Variants in PEX14 observed in about 807,000 individuals in gnomAD.
The protein encoded by PEX14 is peroxisomal biogenesis factor 14.
Under a neutral mutation model 49.5 loss-of-function variants are expected in PEX14, and 15 were observed. The observed-to-expected ratio is 0.30, with a 90% CI of 0.20 to 0.47. PEX14 has a LOEUF of 0.47. Among genes scored for constraint, PEX14 ranks in the 20% least tolerant of loss-of-function variants. The pLI, the probability that PEX14 is intolerant of heterozygous loss-of-function variation, is 1.00. For missense variants in PEX14, 398 were observed against 494.8 expected, an observed-to-expected ratio of 0.80 and a Z score of 1.86; for synonymous variants, 210 against 212.7, an observed-to-expected ratio of 0.99 and a Z score of 0.11.
chr1:10,624,204 G>C lies in PEX14; in HGVS notation c.488-136G>C. On this transcript the variant is annotated intron_variant, in intron 6 of 8. Coordinates refer to ENST00000356607, the MANE Select transcript of PEX14 (RefSeq NM_004565.3). ...ACCCAGAGTGCAGATAAATTAGATG[G>C]ATTGCGGGGGCTGGGGGTGTCTGCA... is the stretch of plus-strand genomic sequence containing the variant. 3 of 760,900 alleles carry C rather than the reference G, an allele frequency of 3.9e-6. 1 individual carries two copies. In the South Asian group the frequency reaches 4.2e-5, roughly 11 times the overall value. The allele number at this position is 760,900 out of a possible 1,614,324, so 47.1% of individuals were successfully genotyped here.
At position 10,507,289 on chromosome 1, in the gene PEX14, G is replaced by A. The variant is rs879638961; in HGVS notation, c.84+11968G>A. On this transcript the variant is annotated intron_variant, in intron 2 of 8. Coordinates refer to ENST00000356607, the MANE Select transcript of PEX14 (RefSeq NM_004565.3). ...AGCAGGTATGGGTGCGGTGTGGACC[G>A]CGCTGTCAGGCACACTAGCGTGCGT... is the stretch of plus-strand genomic sequence containing the variant. Among the ~76,000 whole-genome samples, 65 of 152,364 alleles carry A rather than the reference G, an allele frequency of 4.3e-4. 1 individual carries two copies. Among genetic ancestry groups the A allele is most frequent in the Admixed American group, 4.1e-3 (62 of 15,306 alleles).
intron 4 of PEX14, among the ~76,000 whole-genome samples, chr1:10,605,664 T>G (rs944597740): frequency 5.3e-5 from 8 of 152,196 alleles, no homozygotes; most frequent in Non-Finnish European, 1.0e-4. Flanking sequence ...GGGGTTCCCG[T>G]CAGAAAGCAA....
chr1:10,542,480 G>A (rs998174904), intron 3 of PEX14, among the ~76,000 whole-genome samples: 3 of 152,120 alleles, frequency 2.0e-5, no homozygotes, highest in African/African-American at 7.2e-5. Context: ...AACTAGTCCC[G>A]GCTGGGCGCG....
In PEX14 at chr1:10,566,493, C is replaced by CT. The variant is rs56355612; in HGVS notation, c.169+30208dup. ...TATCTATCATTTCTTTTATGACTTC[C>CT]TTTTTTTTTTTTGACGTGGAATTTC... is the stretch of plus-strand genomic sequence containing the variant. On this transcript the variant is annotated intron_variant, in intron 3 of 8. Coordinates refer to ENST00000356607, the MANE Select transcript of PEX14 (RefSeq NM_004565.3). Among the ~76,000 whole-genome samples the CT allele has an allele frequency of 6.4e-3, 929 of 145,812 alleles. 11 individuals are homozygous for CT. Among genetic ancestry groups the CT allele is most frequent in the African/African-American group, 0.022 (871 of 39,676 alleles).
intron 4 of PEX14, among the ~76,000 whole-genome samples, chr1:10,610,751 C>G (rs762100182): frequency 3.3e-5 from 5 of 152,222 alleles, no homozygotes; most frequent in African/African-American, 1.2e-4. Context: ...CCTTGGCCTC[C>G]CAAAGTGCTG....
chr1:10,572,351 TC>T (rs1248993721), intron 3 of PEX14, among the ~76,000 whole-genome samples: 2 of 152,174 alleles, frequency 1.3e-5, no homozygotes, highest in African/African-American at 4.8e-5. Context: ...GGAGGATGTC[TC>T]CATGAGCTTG....
rs546348112 is a variant in PEX14, at chr1:10,488,914, C to T, written c.37-6360C>T. ...TACTGTTCTTGTCTACTAGTTATAT[C>T]GTCTGGTTTTTCTTATTGTTATTGG... On this transcript the variant is annotated intron_variant, in intron 1 of 8. Transcript: ENST00000356607. 2.8e-4 allele frequency among the ~76,000 whole-genome samples: 42 copies of T among 152,266 alleles called. 1 individual carries two copies. In the South Asian group the frequency reaches 3.3e-3, roughly 12 times the overall value.
chr1:10,617,574 C>T (rs192335239), intron 4 of PEX14, among the ~76,000 whole-genome samples: 52 of 152,236 alleles, frequency 3.4e-4, no homozygotes, highest in African/African-American at 1.2e-3. Context: ...AGCAGCTCTC[C>T]TCTCTAGTCA....
At chr1:10,500,731 C>T (rs529374121) in intron 2 of PEX14, among the ~76,000 whole-genome samples, 75 of 152,268 alleles carry the variant, frequency 4.9e-4, no homozygotes, top group African/African-American at 1.5e-3. Flanking sequence ...TGCACCACCA[C>T]GGCCAGCTAA....
At chr1:10,523,012 A>G (rs1454398842) in intron 2 of PEX14, among the ~76,000 whole-genome samples, 1 of 152,220 alleles carries the variant, frequency 6.6e-6, no homozygotes, top group Non-Finnish European at 1.5e-5. Context: ...GATGTGTTGT[A>G]TATTTGCCCC....
intron 3 of PEX14, among the ~76,000 whole-genome samples, chr1:10,589,105 A>T (rs1640584528): frequency 6.6e-6 from 1 of 152,186 alleles, no homozygotes; most frequent in Admixed American, 6.5e-5. Context: ...TTTAAAAATA[A>T]TTGTTAAAAG....
At chr1:10,596,647 A>C (rs945093986) in intron 3 of PEX14, among the ~76,000 whole-genome samples, 1 of 152,150 alleles carries the variant, frequency 6.6e-6, no homozygotes, top group Admixed American at 6.5e-5. Flanking sequence ...TACAAGTAGG[A>C]TGTGGGGCAT....
chr1:10,606,987 C>T (rs1232875617), intron 4 of PEX14, among the ~76,000 whole-genome samples: 5 of 152,114 alleles, frequency 3.3e-5, no homozygotes, highest in African/African-American at 1.2e-4. Flanking sequence ...TTTCCAATAC[C>T]CTGAAAGGTT....
At chr1:10,548,809 G>C (rs1639252570) in intron 3 of PEX14, among the ~76,000 whole-genome samples, 1 of 152,122 alleles carries the variant, frequency 6.6e-6, no homozygotes, top group African/African-American at 2.4e-5. Flanking sequence ...ATTGTTCTGA[G>C]AATTGAACAA....
intron 2 of PEX14, among the ~76,000 whole-genome samples, chr1:10,504,550 C>T (rs1182524379): frequency 2.0e-5 from 3 of 152,092 alleles, no homozygotes; most frequent in Admixed American, 6.6e-5. Context: ...TCTGGGTCAG[C>T]GATCATTCCC....
intron 3 of PEX14, among the ~76,000 whole-genome samples, chr1:10,542,672 A>C (rs1247817318): frequency 6.6e-6 from 1 of 152,172 alleles, no homozygotes; most frequent in East Asian, 1.9e-4. Context: ...GAGGCAGGAG[A>C]ATCGCTTTAA....
chr1:10,623,552 C>A lies in PEX14; in HGVS notation c.487+431C>A, dbSNP rs545281227. ...CCAGCCACCTCCCCTGTTATCGACT[C>A]AACAGGGCTCGCGTTCATTACCCAG... On this transcript the variant is annotated intron_variant, in intron 6 of 8. Coordinates refer to ENST00000356607, the MANE Select transcript of PEX14 (RefSeq NM_004565.3). The surrounding 1 kb of genome is among the most constrained non-coding windows in gnomAD (Gnocchi z 4.4). 6.6e-6 allele frequency among the ~76,000 whole-genome samples: 1 copy of A among 152,294 alleles called. No homozygotes were observed. Among genetic ancestry groups the A allele is most frequent in the South Asian group, 2.1e-4 (1 of 4,820 alleles).
intron 1 of PEX14, among the ~76,000 whole-genome samples, chr1:10,476,366 A>C (rs1641195755): frequency 6.6e-6 from 1 of 152,170 alleles, no homozygotes; most frequent in South Asian, 2.1e-4. Flanking sequence ...GTGTCTCGAG[A>C]GGAGGGCCTC....
At chr1:10,560,315 C>G (rs1362106783) in intron 3 of PEX14, among the ~76,000 whole-genome samples, 1 of 152,158 alleles carries the variant, frequency 6.6e-6, no homozygotes, top group Non-Finnish European at 1.5e-5. Flanking sequence ...CCTGGGCTTC[C>G]CAAAGTGCTG....
Sources: allele counts gnomAD v4.1 joint callset (sites outside exome capture counted in the v4.1 genomes callset), GRCh38; gene constraint gnomAD v4.1.1; non-coding constraint Gnocchi (gnomAD v3.1); transcripts MANE v1.5; gene names NCBI Gene and HGNC (gene_info 2026-07-23, HGNC 2026-07-21).